Variants in GRIK4 observed in about 807,000 individuals in gnomAD.
GRIK4 encodes glutamate ionotropic receptor kainate type subunit 4, also known as glutamate receptor ionotropic, kainate 4.
GRIK4 carries 40 observed loss-of-function variants against 104.9 expected under a neutral mutation model. That is an observed-to-expected ratio of 0.38 (90% CI 0.30 to 0.50). GRIK4 has a LOEUF of 0.50. Ranked by LOEUF, GRIK4 falls within the 20% of genes least tolerant of loss-of-function variation. The pLI, the probability that GRIK4 is intolerant of heterozygous loss-of-function variation, is 0.93. For missense variants in GRIK4, 1,047 were observed against 1,308.1 expected, an observed-to-expected ratio of 0.80 and a Z score of 3.08; for synonymous variants, 485 against 524.9, an observed-to-expected ratio of 0.92 and a Z score of 1.04.
intron 1 of GRIK4, among the ~76,000 whole-genome samples, chr11:120,585,501 A>G (rs1049502334): frequency 2.6e-5 from 4 of 152,104 alleles, no homozygotes; most frequent in Admixed American, 6.5e-5. Flanking sequence ...GGTGTGAGCT[A>G]CTGTGCCGTG....
intron 3 of GRIK4, among the ~76,000 whole-genome samples, chr11:120,759,770 TA>T (rs941175418): frequency 1.3e-5 from 2 of 152,188 alleles, no homozygotes; most frequent in Admixed American, 1.3e-4. Flanking sequence ...GGCCAGATAG[TA>T]AATATTTTAG....
At chr11:120,839,132 G>A (rs1953654344) in intron 8 of GRIK4, among the ~76,000 whole-genome samples, 1 of 152,152 alleles carries the variant, frequency 6.6e-6, no homozygotes, top group South Asian at 2.1e-4. Context: ...CATCCAGAGG[G>A]TAATGAGTTG....
At chr11:120,630,759 C>A (rs1454138237) in intron 1 of GRIK4, among the ~76,000 whole-genome samples, 2 of 152,178 alleles carry the variant, frequency 1.3e-5, no homozygotes. Flanking sequence ...CCATTGGATG[C>A]GGATGTTGGA....
intron 3 of GRIK4, among the ~76,000 whole-genome samples, chr11:120,699,491 A>G (rs1950513558): frequency 6.6e-6 from 1 of 152,092 alleles, no homozygotes; most frequent in African/African-American, 2.4e-5. Flanking sequence ...TGAAATGAAT[A>G]GGAATCCCTG....
At chr11:120,882,906 A>G (rs1448964235) in intron 11 of GRIK4, among the ~76,000 whole-genome samples, 1 of 152,142 alleles carries the variant, frequency 6.6e-6, no homozygotes, top group Admixed American at 6.5e-5. Context: ...GCTCTCTCGC[A>G]TGCCCTTGCC....
intron 1 of GRIK4, among the ~76,000 whole-genome samples, chr11:120,620,660 C>T (rs1266422934): frequency 2.0e-5 from 3 of 152,102 alleles, no homozygotes; most frequent in African/African-American, 7.2e-5. Flanking sequence ...TGTAGCTGTT[C>T]ATAGCCTTGT....
Position 120,785,457 on chromosome 11 carries a change from G to A in GRIK4, c.83-17236G>A, listed in dbSNP as rs141674092. Among the ~76,000 whole-genome samples, 410 of 152,294 alleles carry A rather than the reference G, an allele frequency of 2.7e-3. 5 individuals carry two copies. Among genetic ancestry groups the A allele is most frequent in the East Asian group, 0.013 (65 of 5,190 alleles). On this transcript the variant is annotated intron_variant, in intron 3 of 20. Coordinates refer to ENST00000527524, the MANE Select transcript of GRIK4 (RefSeq NM_014619.5). ...TATCCAGAGACCTTACAAAGTGGCCGTATACATAGGGCACTAACTGCAGAT... is the reference window on the plus strand; with the variant it reads ...TATCCAGAGACCTTACAAAGTGGCCATATACATAGGGCACTAACTGCAGAT...
intron 7 of GRIK4, among the ~76,000 whole-genome samples, chr11:120,835,776 G>A (rs1023787332): frequency 2.6e-5 from 4 of 152,132 alleles, no homozygotes; most frequent in Admixed American, 1.3e-4. Context: ...CCTGATCTAC[G>A]TGTCAGTTTC....
intron 13 of GRIK4, among the ~76,000 whole-genome samples, chr11:120,914,163 C>T (rs1053800579): frequency 4.3e-5 from 6 of 140,518 alleles, no homozygotes; most frequent in Non-Finnish European, 9.4e-5. Context: ...CTGACAAGCA[C>T]CGCTTGGATA....
intron 5 of GRIK4, among the ~76,000 whole-genome samples, chr11:120,818,991 A>T (rs1035333947): frequency 4.6e-5 from 7 of 152,258 alleles, no homozygotes; most frequent in Admixed American, 4.6e-4. Flanking sequence ...TAAAGCAGCC[A>T]TCACAGCCTC....
intron 4 of GRIK4, among the ~76,000 whole-genome samples, chr11:120,809,385 C>T (rs577766574): frequency 1.3e-5 from 2 of 152,312 alleles, no homozygotes; most frequent in South Asian, 2.1e-4. Flanking sequence ...CTCAGAGGGC[C>T]GAGGCCTGCA....
chr11:120,904,802 C>T (rs534625674), intron 12 of GRIK4, among the ~76,000 whole-genome samples: 7 of 152,304 alleles, frequency 4.6e-5, no homozygotes, highest in Admixed American at 1.3e-4. Context: ...GCTTGGATCC[C>T]ACCTTCAGCT....
Position 120,553,007 on chromosome 11 carries a change from GAAAA to G in GRIK4, c.-159+41133_-159+41136del, listed in dbSNP as rs112138794. ...AGAGTGAGACTCCGTCTCAAAAAAA[GAAAA>G]AAAAAAAAAAAAGAAGGGAGGAAGG... On this transcript the variant is annotated intron_variant, in intron 1 of 20. Transcript: ENST00000527524. Among the ~76,000 whole-genome samples, 20 of 96,768 alleles carry G rather than the reference GAAAA, an allele frequency of 2.1e-4. 1 individual carries two copies. In the East Asian group the frequency reaches 2.4e-3, roughly 12 times the overall value. 63.5% of individuals were successfully genotyped at this position (96,768 alleles called of 152,430 possible).
intron 8 of GRIK4, among the ~76,000 whole-genome samples, chr11:120,844,206 C>T (rs990656882): frequency 6.6e-6 from 1 of 152,176 alleles, no homozygotes; most frequent in East Asian, 1.9e-4. Flanking sequence ...CACAGCCCCA[C>T]TCTTTCACTC....
intron 1 of GRIK4, among the ~76,000 whole-genome samples, chr11:120,579,085 G>T (rs1256178985): frequency 6.6e-6 from 1 of 152,194 alleles, no homozygotes; most frequent in East Asian, 1.9e-4. Context: ...AGCCCAAGTG[G>T]CATTTATTGA....
chr11:120,590,185 C>T (rs1395960863), intron 1 of GRIK4, among the ~76,000 whole-genome samples: 1 of 152,132 alleles, frequency 6.6e-6, no homozygotes, highest in African/African-American at 2.4e-5. Flanking sequence ...GACCCTGCAC[C>T]CTACTCATGA....
intron 13 of GRIK4, among the ~76,000 whole-genome samples, chr11:120,929,262 G>C (rs1591296341): frequency 6.6e-6 from 1 of 152,124 alleles, no homozygotes. Flanking sequence ...CAGACAGCCT[G>C]ACTCATGTGG....
At chr11:120,885,142 G>A (rs1266657685) in intron 11 of GRIK4, among the ~76,000 whole-genome samples, 1 of 152,270 alleles carries the variant, frequency 6.6e-6, no homozygotes, top group Non-Finnish European at 1.5e-5. Context: ...TCTCCAGCAT[G>A]CCTGAGCTCT....
rs1241094257 is a variant in GRIK4, at chr11:120,668,083, A to ATAGATGGATAGG, written c.82+7694_82+7695insGTAGATGGATAG. Among the ~76,000 whole-genome samples the ATAGATGGATAGG allele has an allele frequency of 3.2e-4, 47 of 149,132 alleles. 1 individual carries two copies. Among genetic ancestry groups the ATAGATGGATAGG allele is most frequent in the African/African-American group, 1.1e-3 (44 of 40,234 alleles). ...GGGTGACAGAGTGAGACCCTGTCTCATAGATGGATAGATAGATGGATAGAT... is the reference window on the plus strand; with the variant it reads ...GGGTGACAGAGTGAGACCCTGTCTCATAGATGGATAGGTAGATGGATAGATAGATGGATAGAT... On this transcript the variant is annotated intron_variant, in intron 3 of 20. Coordinates refer to ENST00000527524, the MANE Select transcript of GRIK4 (RefSeq NM_014619.5).
Sources: gnomAD v4.1 joint callset for allele counts (sites outside exome capture counted in the v4.1 genomes callset) on GRCh38, gnomAD v4.1.1 for gene constraint, MANE v1.5 for transcripts, NCBI Gene and HGNC (gene_info 2026-07-23, HGNC 2026-07-21) for gene names.